Variants in DLST observed in about 807,000 individuals in gnomAD.
DLST encodes the protein dihydrolipoamide S-succinyltransferase, also known as dihydrolipoyllysine-residue succinyltransferase component of 2-oxoglutarate dehydrogenase complex, mitochondrial.
In DLST, 17 loss-of-function variants were observed where a neutral mutation model predicts 53.1. That is an observed-to-expected ratio of 0.32 (90% CI 0.22 to 0.48). DLST has a LOEUF of 0.48. DLST is among the 20% of genes least tolerant of loss of function. DLST has a pLI of 0.99. For synonymous variants in DLST, 206 were observed against 204.8 expected (o/e 1.01, Z -0.05); for missense variants, 512 against 583.9 (o/e 0.88, Z 1.27).
At chr14:74,898,979 G>A (rs1884159050) in intron 11 of DLST, among the ~76,000 whole-genome samples, 2 of 152,112 alleles carry the variant, frequency 1.3e-5, no homozygotes, top group African/African-American at 2.4e-5. Flanking sequence ...ACTTACCTAC[G>A]TCATTGTAGT....
In DLST at chr14:74,883,710, A is replaced by G. The variant is rs566184021; in HGVS notation, c.97+1086A>G. Among the ~76,000 whole-genome samples the G allele has an allele frequency of 7.2e-5, 11 of 152,358 alleles. No homozygotes were observed. In the East Asian group the frequency reaches 1.2e-3, roughly 16 times the overall value. On this transcript the variant is annotated intron_variant, in intron 2 of 14. Transcript: ENST00000334220. ...AGTATTTTCTCTATTTTACAAATGC[A>G]TAACCCAAGACAAGAGAGCTTAAAA... is the stretch of plus-strand genomic sequence containing the variant.
chr14:74,881,994 G>C lies in DLST; in HGVS notation c.41G>C (p.Arg14Pro). ...CGCTGTGTGTCTCGGGCGTTCAGCC[G>C]CTCGCTCTCCGCCTTCCAGAAGGTA... is the stretch of plus-strand genomic sequence containing the variant. ...RSRCVSRAFS[R>P]SLSAFQKGNC... Residue 14 changes from arginine to proline, a missense_variant, in exon 1 of 15, where the codon CGC (arginine) becomes CCC (proline). Arg to Pro is a moderately radical substitution (Grantham distance 103). This residue lies in a region of DLST where 129 missense variants were observed against 90.9 expected (regional missense o/e 1.42). Coordinates refer to ENST00000334220, the MANE Select transcript of DLST (RefSeq NM_001933.5). 3.2e-6 allele frequency: 5 copies of C among 1,571,878 alleles called. No individual in the cohort carries two copies. The highest frequency in any genetic ancestry group is 4.3e-6 in the Non-Finnish European group (5 of 1,167,236).
chr14:74,893,296 G>A (rs1883971346), intron 8 of DLST, 52 bp from the exon 9 acceptor site: 1 of 1,601,178 alleles, frequency 6.2e-7, no homozygotes, highest in African/African-American at 1.3e-5. Flanking sequence ...CACAAACTCA[G>A]CAGATGTTTC....
intron 3 of DLST, among the ~76,000 whole-genome samples, chr14:74,887,696 G>T (rs186485060): frequency 2.0e-5 from 3 of 152,244 alleles, no homozygotes; most frequent in South Asian, 4.1e-4. Flanking sequence ...CCACCACTCC[G>T]GGTTCCTGGA....
Position 74,891,176 on chromosome 14 carries a change from G to A in DLST, c.442+9G>A, listed in dbSNP as rs1883893899. 1.9e-6 allele frequency: 3 copies of A among 1,613,964 alleles called. No individual in the cohort carries two copies. Among genetic ancestry groups the A allele is most frequent in the Admixed American group, 1.7e-5 (1 of 60,010 alleles). On this transcript the variant is annotated intron_variant, in intron 7 of 14. Coordinates refer to ENST00000334220, the MANE Select transcript of DLST (RefSeq NM_001933.5). ...ACTCAGGAAAACTGGTGGTAAAGAA[G>A]TTCTCCTGGTGGTCAAGGTCTCCAG...
chr14:74,889,859 C>T, intron 5 of DLST, 38 bp from the exon 6 acceptor site: 1 of 1,609,196 alleles, frequency 6.2e-7, no homozygotes, highest in Non-Finnish European at 8.5e-7. Flanking sequence ...AGGCTCCCCG[C>T]TAACAGGTAG....
intron 13 of DLST, 41 bp from the exon 14 acceptor site, chr14:74,901,025 C>CT: frequency 6.2e-7 from 1 of 1,601,812 alleles, no homozygotes; most frequent in Non-Finnish European, 8.5e-7. Context: ...GTGAAGGAAA[C>CT]TGGGTTGGCT....
intron 7 of DLST, 22 bp from the exon 8 acceptor site, chr14:74,892,812 A>G (rs2140195150): frequency 6.3e-7 from 1 of 1,594,208 alleles, no homozygotes; most frequent in Non-Finnish European, 8.5e-7. Context: ...TGCCAGTGGC[A>G]TATACTTTTC....
At chr14:74,888,020 A>G (rs577724516) in intron 3 of DLST, among the ~76,000 whole-genome samples, 1 of 152,346 alleles carries the variant, frequency 6.6e-6, no homozygotes, top group South Asian at 2.1e-4. Flanking sequence ...GTAAGTGTGC[A>G]ACACATAACC....
chr14:74,893,208 C>G, intron 8 of DLST, 140 bp from the exon 9 acceptor site: 1 of 1,069,396 alleles, frequency 9.4e-7, no homozygotes, highest in Non-Finnish European at 1.4e-6. Flanking sequence ...ACAGATTGTT[C>G]ATCTGTGAAG....
intron 10 of DLST, among the ~76,000 whole-genome samples, chr14:74,896,098 A>G (rs1328724992): frequency 6.6e-6 from 1 of 152,166 alleles, no homozygotes; most frequent in African/African-American, 2.4e-5. Context: ...GGGTCAAGCC[A>G]TCCTCCTGCT....
chr14:74,902,361 T>C lies in DLST; in HGVS notation c.*31T>C, dbSNP rs143110877. The stretch of plus-strand genomic sequence containing the variant: ...ACCCACACACCCTACAAGTTGATCA[T>C]GCAGGAACTGAAAACCAGTCTTCTC... On this transcript the variant is annotated 3_prime_UTR_variant, in exon 15 of 15. Coordinates refer to ENST00000334220, the MANE Select transcript of DLST (RefSeq NM_001933.5). 72 of 1,577,268 alleles carry C rather than the reference T, an allele frequency of 4.6e-5. 1 individual carries two copies. The African/African-American group carries it at 5.8e-4, about 13-fold the overall frequency.
intron 6 of DLST, 93 bp downstream of exon 6, chr14:74,890,045 A>C (rs1351722772): frequency 1.0e-5 from 10 of 988,296 alleles, no homozygotes; most frequent in Middle Eastern, 2.2e-4. Flanking sequence ...TTTAGAGATA[A>C]TTTTTAACTA....
At chr14:74,885,514 C>T (rs776824211) in intron 2 of DLST, 72 bp from the exon 3 acceptor site, 5 of 1,496,556 alleles carry the variant, frequency 3.3e-6, no homozygotes, top group Non-Finnish European at 3.7e-6. Flanking sequence ...GGTGAGCAGA[C>T]CTTTTCCATT....
At position 74,889,367 on chromosome 14, in the gene DLST, ATT is replaced by A. The variant is rs560243017; in HGVS notation, c.274+37_274+38del. 0.021 allele frequency: 25,152 copies of A among 1,174,484 alleles called. No homozygotes were observed. The highest frequency in any genetic ancestry group is 0.028 in the Middle Eastern group (92 of 3,334). The allele number at this position is 1,174,484 out of a possible 1,614,324, so 72.8% of individuals were successfully genotyped here. ...GGAGAAAGGTAAGATTTAGTTTCCT[ATT>A]TTTTTTTTTTTTTTTTTTGAGACAG... On this transcript the variant is annotated intron_variant, in intron 5 of 14. Transcript: ENST00000334220.
intron 12 of DLST, 133 bp from the exon 13 acceptor site, chr14:74,900,156 A>T: frequency 9.0e-7 from 1 of 1,105,084 alleles, no homozygotes; most frequent in Non-Finnish European, 1.4e-6. Context: ...GCATTCTTTT[A>T]ACACTTTCTG....
intron 6 of DLST, among the ~76,000 whole-genome samples, 193 bp downstream of exon 6, chr14:74,890,145 T>G: frequency 1.3e-5 from 1 of 76,132 alleles, no homozygotes; most frequent in Non-Finnish European, 2.3e-5. Context: ...TTTTTTTTTT[T>G]TTGAGACAGA....
chr14:74,891,161 A>G lies in DLST; in HGVS notation c.436A>G (p.Thr146Ala). 6.2e-7 allele frequency: 1 copy of G among 1,614,040 alleles called. No homozygotes were observed. Among genetic ancestry groups the G allele is most frequent in the East Asian group, 2.2e-5 (1 of 44,878 alleles). Residue 146 changes from threonine (T) to alanine (A), a missense_variant, in exon 7 of 15, where the codon ACT becomes GCT. Physicochemically the swap from Thr to Ala is moderately conservative, Grantham distance 58. This residue lies in a region of DLST where 162 missense variants were observed against 162.0 expected (regional missense o/e 1.00). Transcript: ENST00000334220. ...GGTPLFTLRK[T>A]GAAPAKAKPA... ...CACTCCACTTTTCACACTCAGGAAA[A>G]CTGGTGGTAAAGAAGTTCTCCTGGT...
chr14:74,891,310 A>T, intron 7 of DLST, 143 bp downstream of exon 7: 2 of 1,440,834 alleles, frequency 1.4e-6, no homozygotes, highest in Non-Finnish European at 1.8e-6. Flanking sequence ...GTAAATTTAT[A>T]TATAGTGTGA....
Sources: allele counts gnomAD v4.1 joint callset (sites outside exome capture counted in the v4.1 genomes callset), GRCh38; gene constraint gnomAD v4.1.1; regional missense constraint gnomAD v4.1.1; transcripts MANE v1.5; gene names NCBI Gene and HGNC (gene_info 2026-07-23, HGNC 2026-07-21).